NAV3: variants seen among roughly 807,000 people sequenced by gnomAD.
The protein encoded by NAV3 is neuron navigator 3.
Under a neutral mutation model 244.7 loss-of-function variants are expected in NAV3, and 87 were observed. The ratio of observed to expected loss-of-function variants is 0.36; its 90% CI spans 0.30 to 0.42. The LOEUF (loss-of-function observed/expected upper bound fraction) is 0.42. NAV3 is among the 20% of genes least tolerant of loss of function. NAV3 has a pLI of 1.00. For missense variants in NAV3, 2,663 were observed against 2,893.3 expected (o/e 0.92, Z 1.83); for synonymous variants, 1,126 against 1,042.2 (o/e 1.08, Z -1.55).
At chr12:78,203,795 C>T (rs963805683) in intron 38 of NAV3, among the ~76,000 whole-genome samples, 10 of 151,328 alleles carry the variant, frequency 6.6e-5, no homozygotes, top group African/African-American at 1.7e-4. Context: ...TTACTGCCCC[C>T]TTCTCTTAAT....
chr12:77,993,302 T>C (rs1871764822), intron 5 of NAV3, among the ~76,000 whole-genome samples: 1 of 152,240 alleles, frequency 6.6e-6, no homozygotes, highest in African/African-American at 2.4e-5. Context: ...ACAGTTCTCT[T>C]ACTCTTGAAT....
intron 1 of NAV3, among the ~76,000 whole-genome samples, chr12:77,886,529 A>G (rs1465149627): frequency 6.6e-6 from 1 of 152,148 alleles, no homozygotes; most frequent in Non-Finnish European, 1.5e-5. Flanking sequence ...ATTGGTCTTG[A>G]ATGTCACTTA....
intron 12 of NAV3, among the ~76,000 whole-genome samples, chr12:78,088,046 A>G (rs1312423579): frequency 1.3e-5 from 2 of 150,810 alleles, no homozygotes; most frequent in African/African-American, 2.4e-5. Context: ...ATATATATAT[A>G]TATGATATAC....
intron 39 of NAV3, among the ~76,000 whole-genome samples, chr12:78,209,537 CT>C (rs1960681252): frequency 6.6e-6 from 1 of 150,816 alleles, no homozygotes; most frequent in Non-Finnish European, 1.5e-5. Flanking sequence ...CCTTTAAACA[CT>C]TTTTTTCCGA....
At chr12:77,857,233 T>G (rs1030103809) in intron 1 of NAV3, among the ~76,000 whole-genome samples, 1 of 152,078 alleles carries the variant, frequency 6.6e-6, no homozygotes, top group East Asian at 1.9e-4. Context: ...GTCTCTAAAA[T>G]GAAGATCATA....
intron 12 of NAV3, among the ~76,000 whole-genome samples, chr12:78,085,370 A>T (rs2137904121): frequency 6.6e-6 from 1 of 152,282 alleles, no homozygotes; most frequent in South Asian, 2.1e-4. Context: ...GCAGAAACTT[A>T]CACAGACCCT....
intron 1 of NAV3, among the ~76,000 whole-genome samples, chr12:77,922,059 A>C (rs1887760753): frequency 6.6e-6 from 1 of 152,154 alleles, no homozygotes; most frequent in South Asian, 2.1e-4. Flanking sequence ...TCTATCTCTG[A>C]ATCTTTGTGT....
At chr12:77,981,933 T>C (rs973005370) in intron 5 of NAV3, among the ~76,000 whole-genome samples, 5 of 152,132 alleles carry the variant, frequency 3.3e-5, no homozygotes, top group Admixed American at 3.3e-4. Context: ...TCTTGTGATA[T>C]GTTTATGTGA....
Position 77,692,026 on chromosome 12 carries a change from C to T in NAV3, c.72+119760C>T, listed in dbSNP as rs761947886. Reference sequence around the variant, plus strand: ...TTAGCAATGACATTATATGTTTATCCGTGGATGCCAGATGATACCCTGTAT... The same window carrying T: ...TTAGCAATGACATTATATGTTTATCTGTGGATGCCAGATGATACCCTGTAT... On this transcript the variant is annotated intron_variant, in intron 2 of 8. Transcript: ENST00000550042. Among the ~76,000 whole-genome samples, 9 of 151,936 alleles carry T rather than the reference C, an allele frequency of 5.9e-5. 1 individual carries two copies. In the South Asian group the frequency reaches 6.2e-4, roughly 10 times the overall value.
chr12:77,740,946 C>T (rs776203105), intron 2 of NAV3, among the ~76,000 whole-genome samples: 16 of 151,992 alleles, frequency 1.1e-4, no homozygotes, highest in African/African-American at 2.7e-4. Context: ...AGTTCCCAAA[C>T]GCTGTGAGTA....
chr12:77,798,324 C>T (rs1871532800), intron 2 of NAV3, among the ~76,000 whole-genome samples: 1 of 152,078 alleles, frequency 6.6e-6, no homozygotes, highest in African/African-American at 2.4e-5. Context: ...TGAAATTAAG[C>T]ATTTCCACTA....
intron 20 of NAV3, among the ~76,000 whole-genome samples, chr12:78,140,638 A>G (rs1464900018): frequency 6.6e-6 from 1 of 152,140 alleles, no homozygotes; most frequent in African/African-American, 2.4e-5. Flanking sequence ...GAAACCATGT[A>G]TGTAGTCTGC....
chr12:77,861,495 A>G (rs1455055423), intron 1 of NAV3, among the ~76,000 whole-genome samples: 1 of 151,934 alleles, frequency 6.6e-6, no homozygotes, highest in African/African-American at 2.4e-5. Flanking sequence ...CAATGTTTCA[A>G]CATTGCAAGT....
At chr12:77,908,952 A>C (rs1203080328) in intron 1 of NAV3, among the ~76,000 whole-genome samples, 1 of 152,108 alleles carries the variant, frequency 6.6e-6, no homozygotes, top group Non-Finnish European at 1.5e-5. Context: ...AAATGGGCTG[A>C]CTGGATCCAA....
At chr12:77,806,598 T>C (rs1871992909) in intron 2 of NAV3, among the ~76,000 whole-genome samples, 1 of 152,204 alleles carries the variant, frequency 6.6e-6, no homozygotes, top group Non-Finnish European at 1.5e-5. Flanking sequence ...ATGTGGTCGA[T>C]TTTAGAATAA....
At chr12:78,202,141 T>TTAACA in intron 38 of NAV3, among the ~76,000 whole-genome samples, 1 of 152,032 alleles carries the variant, frequency 6.6e-6, no homozygotes, top group East Asian at 1.9e-4. Flanking sequence ...GATGTTTTTA[T>TTAACA]TTTTCAAGTA....
intron 2 of NAV3, among the ~76,000 whole-genome samples, chr12:77,600,807 C>T (rs1870394425): frequency 6.6e-6 from 1 of 151,976 alleles, no homozygotes; most frequent in South Asian, 2.1e-4. Context: ...GCCAATCTAG[C>T]AGACATTGGG....
chr12:77,605,842 GAA>G (rs34707696), intron 2 of NAV3, among the ~76,000 whole-genome samples: 1 of 139,732 alleles, frequency 7.2e-6, no homozygotes, highest in Non-Finnish European at 1.6e-5. Context: ...TCCGTCTCAA[GAA>G]AAAAAAAAAA....
rs1355332456 is a variant in NAV3, at chr12:78,059,033, A to G, written c.2554A>G (p.Ser852Gly). ...TDGGLNLYTR[S>G]LNRIPDTATS... ...TGGAGGACTTAACCTATATACTAGAAGTCTGAACCGAATACCAGACACAGC... is the reference window on the plus strand; with the variant it reads ...TGGAGGACTTAACCTATATACTAGAGGTCTGAACCGAATACCAGACACAGC... The change falls in exon 12 of 40, where the codon AGT becomes GGT. Residue 852 changes from serine to glycine, a missense_variant. Physicochemically the swap from Ser to Gly is moderately conservative, Grantham distance 56. Transcript: ENST00000397909. 1.9e-6 allele frequency: 3 copies of G among 1,610,656 alleles called. No homozygotes were observed. The highest frequency in any genetic ancestry group is 4.5e-5 in the East Asian group (2 of 44,612).
Sources: gnomAD v4.1 joint callset for allele counts (sites outside exome capture counted in the v4.1 genomes callset) on GRCh38, gnomAD v4.1.1 for gene constraint, MANE v1.5 for transcripts, NCBI Gene and HGNC (gene_info 2026-07-23, HGNC 2026-07-21) for gene names.